The following NXN variants were observed in gnomAD, a reference collection of about 807,000 sequenced individuals.
NXN encodes nucleoredoxin 1.
In NXN, 16 loss-of-function variants were observed where a neutral mutation model predicts 48.6. The observed-to-expected ratio is 0.33, with a 90% CI of 0.22 to 0.50. The LOEUF is 0.50. NXN is among the 20% of genes least tolerant of loss of function. The pLI is 0.98. For missense variants in NXN, 492 were observed against 605.5 expected (o/e 0.81, Z 1.97); for synonymous variants, 281 against 269.6 (o/e 1.04, Z -0.41).
chr17:944,836 GGTCA>G (rs749072828), intron 1 of NXN, among the ~76,000 whole-genome samples: 23 of 152,022 alleles, frequency 1.5e-4, no homozygotes, highest in Non-Finnish European at 3.1e-4. Context: ...TGGCCAACGG[GGTCA>G]GTGTTTTCTT....
rs570477865 is a variant in NXN at position 813,758 on chromosome 17, G to A, written c.820+5681C>T. Among the ~76,000 whole-genome samples the A allele has an allele frequency of 5.1e-4, 78 of 151,594 alleles. No individual in the cohort carries two copies. In the South Asian group the frequency reaches 0.016, roughly 31 times the overall value. Reference sequence around the variant, plus strand: ...CCAAGGCGGGCACATCACGAGGTCAGGAGTTTGAGACCAGCCTGGTCAAAT... The same window carrying A: ...CCAAGGCGGGCACATCACGAGGTCAAGAGTTTGAGACCAGCCTGGTCAAAT... On this transcript the variant is annotated intron_variant, in intron 5 of 7. Coordinates refer to ENST00000336868, the MANE Select transcript of NXN (RefSeq NM_022463.5).
At chr17:972,265 G>A (rs2069392817) in intron 1 of NXN, among the ~76,000 whole-genome samples, 1 of 151,968 alleles carries the variant, frequency 6.6e-6, no homozygotes, top group Non-Finnish European at 1.5e-5. Context: ...TGGTGTCATT[G>A]CACTCCAGCC....
chr17:913,520 A>G (rs1443441107), intron 1 of NXN, among the ~76,000 whole-genome samples: 2 of 152,222 alleles, frequency 1.3e-5, no homozygotes, highest in Admixed American at 6.5e-5. Context: ...CTGAGAAAGG[A>G]GAGTCGGTCA....
intron 5 of NXN, among the ~76,000 whole-genome samples, chr17:817,977 G>A (rs573693349): frequency 3.0e-4 from 45 of 152,230 alleles, no homozygotes; most frequent in Admixed American, 1.2e-3. Flanking sequence ...CATTATTTCC[G>A]GCTGGGTGCA....
rs987093210 is a variant in NXN at position 799,905 on chromosome 17, C to CAGG, written c.*1041_*1043dup. On this transcript the variant is annotated 3_prime_UTR_variant, in exon 8 of 8. Transcript: ENST00000336868. The stretch of plus-strand genomic sequence containing the variant: ...CCGAGGCGGGTGGATCACCTGAGGT[C>CAGG]AGGAGTTCGAGACCAGCCTGGCCAA... 8 of 152,300 alleles carry CAGG rather than the reference C, an allele frequency of 5.3e-5. No homozygotes were observed. The highest frequency in any genetic ancestry group is 1.9e-4 in the African/African-American group (8 of 41,472). The allele number at this position is 152,300 out of a possible 1,614,324, so 9.4% of individuals were successfully genotyped here. A position where few individuals can be genotyped will look rare whatever the true frequency, so the allele number is the denominator to read the frequency against.
chr17:834,158 C>CA (rs988980823), intron 1 of NXN, among the ~76,000 whole-genome samples: 60 of 152,232 alleles, frequency 3.9e-4, no homozygotes, highest in African/African-American at 1.2e-3. Context: ...TATCACTCCA[C>CA]AAAAAAATAC....
intron 1 of NXN, among the ~76,000 whole-genome samples, chr17:908,596 G>C (rs988111859): frequency 6.6e-6 from 1 of 152,102 alleles, no homozygotes; most frequent in African/African-American, 2.4e-5. Context: ...AGCCATTATG[G>C]TTAAACCAAA....
chr17:848,668 G>GCCA (rs1483710874), intron 1 of NXN, among the ~76,000 whole-genome samples: 1 of 152,214 alleles, frequency 6.6e-6, no homozygotes, highest in Admixed American at 6.5e-5. Flanking sequence ...ACTCAAAGGG[G>GCCA]CCACCACACG....
intron 1 of NXN, among the ~76,000 whole-genome samples, chr17:906,728 G>A (rs946364745): frequency 8.1e-5 from 12 of 148,672 alleles, no homozygotes; most frequent in African/African-American, 2.5e-4. Context: ...CACCACACCC[G>A]GACAACTTTT....
intron 1 of NXN, among the ~76,000 whole-genome samples, chr17:852,234 C>T (rs749267867): frequency 3.5e-4 from 54 of 152,344 alleles, no homozygotes; most frequent in Non-Finnish European, 6.8e-4. Context: ...CCGGATGACA[C>T]CTCCTCACAA....
chr17:806,607 G>A (rs917636221), intron 5 of NXN, among the ~76,000 whole-genome samples: 3 of 152,028 alleles, frequency 2.0e-5, no homozygotes, highest in African/African-American at 7.3e-5. Context: ...CTCTCCTCCT[G>A]GGCTGCCCAG....
intron 1 of NXN, chr17:864,119 C>T (rs923798569): frequency 9.1e-5 from 134 of 1,465,164 alleles, no homozygotes; most frequent in Non-Finnish European, 1.1e-4. Context: ...TTTACCGTTG[C>T]TCACTTCCGG....
chr17:971,566 C>T lies in NXN; in HGVS notation c.360+7753G>A, dbSNP rs531619715. Among the ~76,000 whole-genome samples, 123 of 151,534 alleles carry T rather than the reference C, an allele frequency of 8.1e-4. 1 individual carries two copies. Among genetic ancestry groups the T allele is most frequent in the Admixed American group, 1.4e-3 (22 of 15,240 alleles). On this transcript the variant is annotated intron_variant, in intron 1 of 7. Coordinates refer to ENST00000336868, the MANE Select transcript of NXN (RefSeq NM_022463.5). ...TCTACTAAAAACACAAAAAATTAGC[C>T]GGGCGTGAGGGCGGGCACCTGTGGT...
intron 1 of NXN, among the ~76,000 whole-genome samples, chr17:933,776 A>G (rs1231718603): frequency 6.6e-6 from 1 of 152,130 alleles, no homozygotes; most frequent in African/African-American, 2.4e-5. Context: ...CCTGAAGCCT[A>G]CGTGGTCAAC....
chr17:815,382 C>CGAG (rs1912409208), intron 5 of NXN, among the ~76,000 whole-genome samples: 1 of 151,584 alleles, frequency 6.6e-6, no homozygotes, highest in Admixed American at 6.6e-5. Context: ...ACGAGGCACT[C>CGAG]ACAGTTCAGC....
intron 7 of NXN, among the ~76,000 whole-genome samples, chr17:801,811 G>A (rs1028281903): frequency 3.9e-5 from 6 of 152,146 alleles, no homozygotes; most frequent in African/African-American, 1.4e-4. Flanking sequence ...CCCCACTGTG[G>A]GTTATCTGAG....
At chr17:911,891 G>T (rs756290825) in intron 1 of NXN, among the ~76,000 whole-genome samples, 1 of 151,608 alleles carries the variant, frequency 6.6e-6, no homozygotes, top group Non-Finnish European at 1.5e-5. Flanking sequence ...CTGGCCCTCA[G>T]GTAATCCCCT....
intron 1 of NXN, among the ~76,000 whole-genome samples, chr17:837,138 T>C (rs1452792211): frequency 6.6e-6 from 1 of 152,012 alleles, no homozygotes; most frequent in East Asian, 1.9e-4. Flanking sequence ...CCACCATGCC[T>C]CACTAATTTT....
intron 1 of NXN, among the ~76,000 whole-genome samples, chr17:868,095 T>C (rs2068111780): frequency 6.6e-6 from 1 of 152,160 alleles, no homozygotes; most frequent in African/African-American, 2.4e-5. Context: ...GGTCATCTCC[T>C]AGCTGGACAC....
Sources: gnomAD v4.1 joint callset for allele counts (sites outside exome capture counted in the v4.1 genomes callset) on GRCh38, gnomAD v4.1.1 for gene constraint, MANE v1.5 for transcripts, NCBI Gene and HGNC (gene_info 2026-07-23, HGNC 2026-07-21) for gene names.